KDM6A: variants seen among roughly 807,000 people sequenced by gnomAD.
The protein encoded by KDM6A is lysine demethylase 6A.
KDM6A carries 11 observed loss-of-function variants against 117.6 expected under a neutral mutation model. The observed-to-expected ratio is 0.09, with a 90% CI of 0.06 to 0.15. The LOEUF (loss-of-function observed/expected upper bound fraction) is 0.15. KDM6A is among the 10% of genes least tolerant of loss of function. The pLI is 1.00. For synonymous variants in KDM6A, 384 were observed against 396.1 expected (o/e 0.97, Z 0.36); for missense variants, 799 against 1,077.3 (o/e 0.74, Z 3.62).
intron 4 of KDM6A, among the ~76,000 whole-genome samples, chrX:44,989,831 A>G (rs2040473936): frequency 8.9e-6 from 1 of 112,056 alleles, no homozygotes. Context: ...GGAAACTCCC[A>G]CGTTCTCGGT....
At chrX:45,011,681 T>C (rs779590128) in intron 5 of KDM6A, among the ~76,000 whole-genome samples, 1 of 112,235 alleles carries the variant, frequency 8.9e-6, no homozygotes, top group African/African-American at 3.2e-5. Flanking sequence ...GTTGAAAGAT[T>C]GGTATTGTTG....
intron 18 of KDM6A, among the ~76,000 whole-genome samples, chrX:45,076,384 G>A (rs1396662539): frequency 9.0e-6 from 1 of 111,250 alleles, no homozygotes; most frequent in Non-Finnish European, 1.9e-5. Context: ...ATGGTAGAGA[G>A]GAAATTGTAA....
chrX:44,913,293 TA>T (rs991649590), intron 2 of KDM6A, among the ~76,000 whole-genome samples: 5 of 75,200 alleles, frequency 6.6e-5, no homozygotes, highest in African/African-American at 2.6e-4. Flanking sequence ...AAATATGTGT[TA>T]ACTGTTTTTT....
At chrX:45,077,375 A>T (rs1485834365) in intron 19 of KDM6A, among the ~76,000 whole-genome samples, 1 of 111,338 alleles carries the variant, frequency 9.0e-6, no homozygotes, top group Non-Finnish European at 1.9e-5. Context: ...AACAATTCCT[A>T]TTTCTGTTTC....
intron 4 of KDM6A, among the ~76,000 whole-genome samples, chrX:45,008,552 T>C (rs2041613613): frequency 9.0e-6 from 1 of 110,550 alleles, no homozygotes; most frequent in Non-Finnish European, 1.9e-5. Context: ...GGTAGAACAC[T>C]AAATGACTCT....
At chrX:44,897,834 G>A (rs1391781246) in intron 2 of KDM6A, among the ~76,000 whole-genome samples, 1 of 111,606 alleles carries the variant, frequency 9.0e-6, no homozygotes, top group African/African-American at 3.3e-5. Context: ...AGCCTCTTGA[G>A]TAGCAGGAGT....
intron 27 of KDM6A, among the ~76,000 whole-genome samples, chrX:45,098,712 C>T (rs1330841867): frequency 8.9e-6 from 1 of 111,947 alleles, no homozygotes; most frequent in East Asian, 2.8e-4. Context: ...GCAATCACTG[C>T]TAAGGTATTA....
rs1467702310 is a variant in KDM6A, at chrX:44,873,579, ACCG to A, written c.36_38del (p.Ala17del). ...GAAATCCTGCGGAGTGTCGCTCGCT[ACCG>A]CCGCCGCTGCCGCCGCCGCTTTCGG... On this transcript the variant is annotated inframe_deletion, in exon 1 of 30. Transcript: ENST00000611820. 23 of 1,197,242 alleles carry A rather than the reference ACCG, an allele frequency of 1.9e-5. No individual in the cohort carries two copies. The highest frequency in any genetic ancestry group is 2.5e-5 in the Non-Finnish European group (22 of 890,424).
intron 8 of KDM6A, among the ~76,000 whole-genome samples, chrX:45,041,515 G>A (rs1160062954): frequency 1.9e-5 from 2 of 107,841 alleles, no homozygotes. Context: ...GCCGGACGGA[G>A]GGGCTCCTCA....
intron 3 of KDM6A, among the ~76,000 whole-genome samples, chrX:44,969,781 C>A (rs2039246889): frequency 8.9e-6 from 1 of 111,833 alleles, no homozygotes. Context: ...AGTATAAGAA[C>A]ATGAAATGTG....
intron 6 of KDM6A, among the ~76,000 whole-genome samples, chrX:45,027,815 C>T (rs1412632991): frequency 1.3e-4 from 14 of 104,535 alleles, no homozygotes; most frequent in African/African-American, 4.3e-4. Context: ...TTTTTTGAGA[C>T]GGAGTTTCAC....
chrX:45,034,162 C>T (rs1187371380), intron 6 of KDM6A, among the ~76,000 whole-genome samples: 1 of 111,224 alleles, frequency 9.0e-6, no homozygotes, highest in Non-Finnish European at 1.9e-5. Context: ...TATTACTTAT[C>T]TTAATTTATA....
intron 2 of KDM6A, among the ~76,000 whole-genome samples, chrX:44,932,584 C>G (rs2036698402): frequency 9.0e-6 from 1 of 111,210 alleles, no homozygotes; most frequent in Admixed American, 9.6e-5. Context: ...TTTGACATAC[C>G]AAGGTCTCTT....
At chrX:45,087,255 C>T (rs1266317057) in intron 25 of KDM6A, among the ~76,000 whole-genome samples, 2 of 113,272 alleles carry the variant, frequency 1.8e-5, no homozygotes, top group Non-Finnish European at 3.7e-5. Flanking sequence ...TCCCAAAGTG[C>T]TGGGATTACA....
chrX:45,082,477 T>A, intron 21 of KDM6A, 99 bp from the exon 22 acceptor site: 1 of 563,616 alleles, frequency 1.8e-6, no homozygotes, highest in African/African-American at 2.3e-5. Flanking sequence ...ACACAAATAA[T>A]ACTATTCAAT....
intron 28 of KDM6A, among the ~76,000 whole-genome samples, chrX:45,108,235 A>G (rs1408712461): frequency 1.8e-5 from 2 of 111,519 alleles, no homozygotes; most frequent in African/African-American, 3.3e-5. Flanking sequence ...GTCATGGGCT[A>G]TAGGCACAAG....
chrX:44,895,506 G>A (rs1308966422), intron 2 of KDM6A, among the ~76,000 whole-genome samples: 6 of 70,749 alleles, frequency 8.5e-5, no homozygotes, highest in Non-Finnish European at 1.7e-4. Context: ...CAATTTTATT[G>A]ATTTCTTCTC....
chrX:44,935,561 T>A (rs2036917151), intron 2 of KDM6A, among the ~76,000 whole-genome samples: 1 of 111,415 alleles, frequency 9.0e-6, no homozygotes, highest in African/African-American at 3.3e-5. Context: ...TTTGGGGTAG[T>A]TGCTATAAAA....
intron 8 of KDM6A, among the ~76,000 whole-genome samples, chrX:45,039,320 C>T (rs1165818790): frequency 9.1e-6 from 1 of 109,365 alleles, no homozygotes; most frequent in Non-Finnish European, 1.9e-5. Context: ...TTTTTTTAAC[C>T]TTTATTTTTA....
Sources: gnomAD v4.1 joint callset for allele counts (sites outside exome capture counted in the v4.1 genomes callset) on GRCh38, gnomAD v4.1.1 for gene constraint, MANE v1.5 for transcripts, NCBI Gene and HGNC (gene_info 2026-07-23, HGNC 2026-07-21) for gene names.